EYA1: variants seen among roughly 807,000 people sequenced by gnomAD.
EYA1 encodes the protein protein phosphatase EYA1.
Under a neutral mutation model 82.0 loss-of-function variants are expected in EYA1, and 16 were observed. The observed-to-expected ratio is 0.20, with a 90% CI of 0.13 to 0.30. The LOEUF (loss-of-function observed/expected upper bound fraction) is 0.30. Ranked by LOEUF, EYA1 falls within the 10% of genes least tolerant of loss-of-function variation. EYA1 has a pLI of 1.00. For synonymous variants in EYA1, 261 were observed against 264.4 expected (o/e 0.99, Z 0.12); for missense variants, 633 against 730.7 (o/e 0.87, Z 1.54).
At chr8:71,396,206 C>T (rs7831479) in intron 2 of EYA1, among the ~76,000 whole-genome samples, 5,403 of 151,950 alleles carry the variant, frequency 0.036, 343 homozygotes, top group African/African-American at 0.12. Flanking sequence ...GTCTTTCTAG[C>T]GGTCTATTAA....
rs553380582 is a variant in EYA1 at position 71,547,224 on chromosome 8, G to T, written c.-73+640C>A. Among the ~76,000 whole-genome samples the T allele has an allele frequency of 2.6e-5, 4 of 152,318 alleles. No homozygotes were observed. The South Asian group carries it at 6.2e-4, about 24-fold the overall frequency. On this transcript the variant is annotated intron_variant, in intron 1 of 18. Transcript: ENST00000643681. ...AAGCGCTAAAACTAAGTATCTGCCT[G>T]CCTGGGCTGCCCTCCAGATGTTTCC...
chr8:71,426,595 T>C (rs977419863), intron 2 of EYA1, among the ~76,000 whole-genome samples: 1 of 152,258 alleles, frequency 6.6e-6, no homozygotes, highest in African/African-American at 2.4e-5. Context: ...GGAGAGGGAA[T>C]AGCTGATGTC....
At chr8:71,464,117 T>C (rs1808608712) in intron 2 of EYA1, among the ~76,000 whole-genome samples, 1 of 152,164 alleles carries the variant, frequency 6.6e-6, no homozygotes, top group Non-Finnish European at 1.5e-5. Context: ...CAGGTAGTAC[T>C]CACCCTATTA....
rs548937823 is a variant in EYA1 at position 71,236,707 on chromosome 8, A to C, written c.1140+7896T>G. ...AAGCTTCACCTGGCTCCTCCATAAA[A>C]TTAAGATATTAATAGTGTTACTATA... is the stretch of plus-strand genomic sequence containing the variant. On this transcript the variant is annotated intron_variant, in intron 12 of 17. Coordinates refer to ENST00000340726, the MANE Select transcript of EYA1 (RefSeq NM_000503.6). 9.7e-4 allele frequency among the ~76,000 whole-genome samples: 148 copies of C among 152,312 alleles called. 1 individual carries two copies. The highest frequency in any genetic ancestry group is 3.5e-3 in the African/African-American group (146 of 41,554).
intron 2 of EYA1, among the ~76,000 whole-genome samples, chr8:71,505,631 A>G (rs1563683119): frequency 6.6e-6 from 1 of 151,990 alleles, no homozygotes. Context: ...TGATCTAACA[A>G]TTTTTTTGTG....
chr8:71,350,004 TTTTG>T (rs1253825765), intron 3 of EYA1, among the ~76,000 whole-genome samples: 39 of 152,310 alleles, frequency 2.6e-4, no homozygotes, highest in African/African-American at 7.7e-4. Context: ...CTTTTATGGC[TTTTG>T]TTTAAGGACA....
Position 71,269,834 on chromosome 8 carries a change from A to G in EYA1, c.967-11T>C, listed in dbSNP as rs1816299410. 6.2e-7 allele frequency: 1 copy of G among 1,608,822 alleles called. No homozygotes were observed. Among genetic ancestry groups the G allele is most frequent in the Admixed American group, 1.7e-5 (1 of 59,992 alleles). ...CCAGATGAACACTCTCTACAAAGGA[A>G]GAACCAAATCAATGTGTCTTTGCCT... On this transcript the variant is annotated splice_polypyrimidine_tract_variant and intron_variant, in intron 10 of 17. Coordinates refer to ENST00000340726, the MANE Select transcript of EYA1 (RefSeq NM_000503.6).
chr8:71,376,565 T>A (rs1359728296), intron 2 of EYA1, among the ~76,000 whole-genome samples: 4 of 152,166 alleles, frequency 2.6e-5, no homozygotes, highest in Non-Finnish European at 5.9e-5. Flanking sequence ...GAAAGGAGTG[T>A]AATCTGACCA....
At chr8:71,283,447 G>C (rs1818040826) in intron 9 of EYA1, among the ~76,000 whole-genome samples, 1 of 152,090 alleles carries the variant, frequency 6.6e-6, no homozygotes, top group African/African-American at 2.4e-5. Context: ...TAAGTTCCCT[G>C]ACGGCAGAGG....
chr8:71,491,965 T>C (rs1403184575), intron 2 of EYA1, among the ~76,000 whole-genome samples: 1 of 152,202 alleles, frequency 6.6e-6, no homozygotes, highest in Non-Finnish European at 1.5e-5. Flanking sequence ...ATAATGTTAA[T>C]GCCAACCAGC....
intron 2 of EYA1, among the ~76,000 whole-genome samples, chr8:71,369,032 C>CAAAAAAAAAAA (rs60647486): frequency 3.0e-4 from 34 of 112,792 alleles, no homozygotes; most frequent in African/African-American, 4.6e-4. Context: ...ACTAAAAATA[C>CAAAAAAAAAAA]AAAAAAAAAA....
intron 2 of EYA1, among the ~76,000 whole-genome samples, chr8:71,398,911 A>T (rs564412665): frequency 6.6e-6 from 1 of 152,284 alleles, no homozygotes; most frequent in African/African-American, 2.4e-5. Context: ...CTACAGAGGT[A>T]GGCAGGCCTC....
upstream of EYA1, among the ~76,000 whole-genome samples, chr8:71,362,664 G>A (rs1827504995): frequency 6.6e-6 from 1 of 152,102 alleles, no homozygotes; most frequent in African/African-American, 2.4e-5. Flanking sequence ...TTTCTAGAAT[G>A]GCAAATCTTC....
chr8:71,511,354 A>G (rs1466657131), intron 2 of EYA1, among the ~76,000 whole-genome samples: 1 of 152,218 alleles, frequency 6.6e-6, no homozygotes, highest in Non-Finnish European at 1.5e-5. Context: ...AACTCATGGA[A>G]GAGATGAGCA....
intron 4 of EYA1, among the ~76,000 whole-genome samples, chr8:71,326,397 C>T (rs1823151155): frequency 6.6e-6 from 1 of 151,712 alleles, no homozygotes; most frequent in Non-Finnish European, 1.5e-5. Flanking sequence ...ATACCCCAAA[C>T]CTTACAACTT....
intron 2 of EYA1, among the ~76,000 whole-genome samples, chr8:71,407,323 TC>T (rs1179390261): frequency 1.6e-5 from 2 of 121,602 alleles, no homozygotes. Flanking sequence ...GCGCCTCTCC[TC>T]CTCCAAAGGA....
chr8:71,496,825 T>G (rs1263024265), intron 2 of EYA1, among the ~76,000 whole-genome samples: 2 of 152,022 alleles, frequency 1.3e-5, no homozygotes, highest in African/African-American at 4.8e-5. Context: ...TGTTGGTCAA[T>G]TAAATTCTCA....
At chr8:71,406,286 C>CA (rs775151060) in intron 2 of EYA1, among the ~76,000 whole-genome samples, 1 of 152,060 alleles carries the variant, frequency 6.6e-6, no homozygotes, top group Admixed American at 6.5e-5. Flanking sequence ...TATGAATTCA[C>CA]AAAAAATGGT....
intron 2 of EYA1, among the ~76,000 whole-genome samples, chr8:71,523,885 T>G (rs943934458): frequency 6.6e-6 from 1 of 152,192 alleles, no homozygotes; most frequent in Admixed American, 6.5e-5. Context: ...AATCATTTTT[T>G]TAAGGCTAGA....
Sources: gnomAD v4.1 joint callset for allele counts (sites outside exome capture counted in the v4.1 genomes callset) on GRCh38, gnomAD v4.1.1 for gene constraint, MANE v1.5 for transcripts, NCBI Gene and HGNC (gene_info 2026-07-23, HGNC 2026-07-21) for gene names.